ANKRD62: variants seen among roughly 807,000 people sequenced by gnomAD.
ANKRD62 encodes ankyrin repeat domain 62, also known as ankyrin repeat domain-containing protein 62.
In ANKRD62, 61 loss-of-function variants were observed where a neutral mutation model predicts 98.8. That is an observed-to-expected ratio of 0.62 (90% confidence interval 0.50 to 0.76). The LOEUF (loss-of-function observed/expected upper bound fraction) is 0.76. Ranked by LOEUF, ANKRD62 falls within the 30% of genes least tolerant of loss-of-function variation. The pLI, the probability that ANKRD62 is intolerant of heterozygous loss-of-function variation, is 0.00. For synonymous variants in ANKRD62, 341 were observed against 367.9 expected (o/e 0.93, Z 0.84); for missense variants, 933 against 1,082.9 (o/e 0.86, Z 1.94).
Position 12,107,386 on chromosome 18 carries a change from T to C in ANKRD62, c.983T>C (p.Val328Ala), listed in dbSNP as rs1433400717. 7 of 1,525,908 alleles carry C rather than the reference T, an allele frequency of 4.6e-6. No homozygotes were observed. Among genetic ancestry groups the C allele is most frequent in the Admixed American group, 2.0e-5 (1 of 49,424 alleles). The allele number at this position is 1,525,908 out of a possible 1,614,324, so 94.5% of individuals were successfully genotyped here. The change falls in exon 8 of 14, where the codon GTT becomes GCT. Residue 328 changes from valine to alanine, a missense_variant. By Grantham distance (64) the Val-to-Ala change is moderately conservative. Transcript: ENST00000587848. ...GACAGTGACAATTATAATGATGATG[T>C]TGATGAATTAATTCACAAAATAAAG... is the stretch of plus-strand genomic sequence containing the variant. ...ADDSDNYNDD[V>A]DELIHKIKNR...
At chr18:12,122,224 C>T in intron 10 of ANKRD62, 79 bp from the exon 11 acceptor site, 1 of 1,030,146 alleles carries the variant, frequency 9.7e-7, no homozygotes, top group Non-Finnish European at 1.4e-6. Flanking sequence ...GAATGAGTGC[C>T]ATGTTGAAAT....
At chr18:12,172,740 C>T in the ANKRD62 span, among the ~76,000 whole-genome samples, 2 of 152,218 alleles carry the variant, frequency 1.3e-5, no homozygotes, top group African/African-American at 4.8e-5. Flanking sequence ...CCTCCTTGAG[C>T]TGCAGTGGGC....
At chr18:12,101,901 G>C in intron 6 of ANKRD62, 1 of 738,920 alleles carries the variant, frequency 1.4e-6, no homozygotes, top group Non-Finnish European at 2.5e-6. Flanking sequence ...GACTTACCCT[G>C]TTATTTCTTC....
intron 8 of ANKRD62, among the ~76,000 whole-genome samples, chr18:12,113,393 C>T (rs968822893): frequency 2.0e-5 from 3 of 151,968 alleles, no homozygotes; most frequent in Non-Finnish European, 1.5e-5. Flanking sequence ...TTTGGGAGAC[C>T]GAGGCAGATG....
At position 12,099,649 on chromosome 18, in the gene ANKRD62, A is replaced by AAG; in HGVS notation, c.791_792dup (p.Cys265AspfsTer14). 2.7e-6 allele frequency: 4 copies of AAG among 1,499,380 alleles called. No individual in the cohort carries two copies. The highest frequency in any genetic ancestry group is 3.6e-6 in the Non-Finnish European group (4 of 1,126,354). The allele number at this position is 1,499,380 out of a possible 1,614,324, so 92.9% of individuals were successfully genotyped here. A position where few individuals can be genotyped will look rare whatever the true frequency, so the allele number is the denominator to read the frequency against. Reference sequence around the variant, plus strand: ...AATGATTTCTGAATATAAAGCAAACAAGAGATGTAAAAGTCTTCAAAATAG... The same window carrying AAG: ...AATGATTTCTGAATATAAAGCAAACAAGAGAGATGTAAAAGTCTTCAAAATAG... On this transcript the variant is annotated frameshift_variant, in exon 6 of 14. Coordinates refer to ENST00000587848, the MANE Select transcript of ANKRD62 (RefSeq NM_001277333.2). LOFTEE classifies it high-confidence loss of function.
chr18:12,115,231 G>A (rs976195179), intron 9 of ANKRD62, 110 bp downstream of exon 9: 102 of 1,279,920 alleles, frequency 8.0e-5, no homozygotes, highest in Non-Finnish European at 9.8e-5. Flanking sequence ...ATAAAGCAGC[G>A]GTAACCATTC....
rs538483157 is a variant in ANKRD62, at chr18:12,105,218, C to T, written c.891+1990C>T. On this transcript the variant is annotated intron_variant, in intron 7 of 13. Coordinates refer to ENST00000587848, the MANE Select transcript of ANKRD62 (RefSeq NM_001277333.2). Reference sequence around the variant, plus strand: ...TTGTTACAGACACTTAATAAGAATACAAAACCAATTCAAAACTTGTTCCAC... The same window carrying T: ...TTGTTACAGACACTTAATAAGAATATAAAACCAATTCAAAACTTGTTCCAC... 1.1e-4 allele frequency among the ~76,000 whole-genome samples: 17 copies of T among 152,282 alleles called. No individual in the cohort carries two copies. In the South Asian group the frequency reaches 3.5e-3, roughly 32 times the overall value.
the ANKRD62 span, among the ~76,000 whole-genome samples, chr18:12,166,772 T>C: frequency 6.6e-6 from 1 of 152,184 alleles, no homozygotes; most frequent in Non-Finnish European, 1.5e-5. Flanking sequence ...ATGTGCCCAA[T>C]GTGCAGGTTT....
intron 10 of ANKRD62, among the ~76,000 whole-genome samples, chr18:12,116,448 A>G (rs1037299375): frequency 5.3e-5 from 8 of 152,238 alleles, no homozygotes; most frequent in Non-Finnish European, 1.0e-4. Context: ...GCACAAAATT[A>G]TTAAAAGTAT....
intron 4 of ANKRD62, 95 bp downstream of exon 4, chr18:12,096,397 C>CTTA (rs1347483152): frequency 1.5e-6 from 1 of 679,510 alleles, no homozygotes; most frequent in Non-Finnish European, 2.3e-6. Flanking sequence ...ATAAGATTAA[C>CTTA]TTATTATTAT....
At chr18:12,161,906 CAT>C in the ANKRD62 span, among the ~76,000 whole-genome samples, 2 of 152,146 alleles carry the variant, frequency 1.3e-5, no homozygotes, top group Non-Finnish European at 2.9e-5. Flanking sequence ...ATATGTACCA[CAT>C]GTTTTTATCC....
intron 7 of ANKRD62, among the ~76,000 whole-genome samples, chr18:12,104,385 G>A (rs1389402428): frequency 6.6e-6 from 1 of 151,982 alleles, no homozygotes; most frequent in Non-Finnish European, 1.5e-5. Context: ...CATATACCCT[G>A]ACAGAAAAGA....
chr18:12,097,654 T>C lies in ANKRD62; in HGVS notation c.629T>C (p.Leu210Pro). 6.5e-7 allele frequency: 1 copy of C among 1,535,154 alleles called. No homozygotes were observed. The highest frequency in any genetic ancestry group is 8.7e-7 in the Non-Finnish European group (1 of 1,146,452). The change falls in exon 5 of 14, where the codon CTT becomes CCT. Residue 210 changes from leucine (L) to proline (P), a missense_variant. Coordinates refer to ENST00000587848, the MANE Select transcript of ANKRD62 (RefSeq NM_001277333.2). ...IDNFGRTALI[L>P]AARNGSTSVV... ...TCTTATTTTAGAACAGCCCTGATACTTGCTGCTCGTAATGGATCAACAAGT... is the reference window on the plus strand; with the variant it reads ...TCTTATTTTAGAACAGCCCTGATACCTGCTGCTCGTAATGGATCAACAAGT...
chr18:12,167,897 T>C, the ANKRD62 span, among the ~76,000 whole-genome samples: 1 of 152,256 alleles, frequency 6.6e-6, no homozygotes, highest in African/African-American at 2.4e-5. Flanking sequence ...ATGAGCATTT[T>C]TTCATGTGTC....
chr18:12,102,704 G>C (rs566087073), intron 6 of ANKRD62: 2 of 1,037,192 alleles, frequency 1.9e-6, no homozygotes, highest in African/African-American at 1.7e-5. Flanking sequence ...AATGAACGGG[G>C]TGTATATGGA....
chr18:12,138,351 C>T, the ANKRD62 span, among the ~76,000 whole-genome samples: 7 of 152,252 alleles, frequency 4.6e-5, 1 homozygote, highest in Middle Eastern at 3.4e-3. Flanking sequence ...TGTAGTTGAG[C>T]GGTTTTGAGT....
Position 12,100,727 on chromosome 18 carries a change from G to A in ANKRD62, c.820+1045G>A, listed in dbSNP as rs562621617. Among the ~76,000 whole-genome samples the A allele has an allele frequency of 7.9e-5, 12 of 152,224 alleles. No individual in the cohort carries two copies. In the East Asian group the frequency reaches 1.5e-3, roughly 20 times the overall value. On this transcript the variant is annotated intron_variant, in intron 6 of 13. Coordinates refer to ENST00000587848, the MANE Select transcript of ANKRD62 (RefSeq NM_001277333.2). ...TTCTCATACCAAGAATGTCTCACTAGTATTGACTTAATTCCCCCCAAGTGG... is the reference window on the plus strand; with the variant it reads ...TTCTCATACCAAGAATGTCTCACTAATATTGACTTAATTCCCCCCAAGTGG...
the ANKRD62 span, among the ~76,000 whole-genome samples, chr18:12,137,377 C>T: frequency 1.3e-5 from 2 of 152,198 alleles, no homozygotes; most frequent in African/African-American, 4.8e-5. Flanking sequence ...TTGAACCAGC[C>T]TTGCATCCCA....
At chr18:12,164,609 G>A in the ANKRD62 span, among the ~76,000 whole-genome samples, 2 of 151,910 alleles carry the variant, frequency 1.3e-5, no homozygotes, top group South Asian at 4.1e-4. Flanking sequence ...CTTTCTTGAT[G>A]TAGGCAATTA....
Sources: allele counts gnomAD v4.1 joint callset (sites outside exome capture counted in the v4.1 genomes callset), GRCh38; gene constraint gnomAD v4.1.1; transcripts MANE v1.5; gene names NCBI Gene and HGNC (gene_info 2026-07-23, HGNC 2026-07-21).